The following KIRREL3 variants were observed in gnomAD, a reference collection of about 807,000 sequenced individuals.
The protein encoded by KIRREL3 is kirre like nephrin family adhesion molecule 3.
Under a neutral mutation model 89.7 loss-of-function variants are expected in KIRREL3, and 36 were observed. That is an observed-to-expected ratio of 0.40 (90% CI 0.31 to 0.53). The LOEUF (loss-of-function observed/expected upper bound fraction) is 0.53, where lower values mean the gene tolerates loss of function less well. KIRREL3 is among the 20% of genes least tolerant of loss of function. The probability of loss-of-function intolerance (pLI) is 0.49; values close to 1 mark genes in which losing one functional copy is unlikely to be tolerated. For missense variants in KIRREL3, 864 were observed against 1,056.6 expected, an observed-to-expected ratio of 0.82 and a Z score of 2.53; for synonymous variants, 445 against 441.4, an observed-to-expected ratio of 1.01 and a Z score of -0.10.
At position 127,000,739 on chromosome 11, in the gene KIRREL3, C is replaced by T. The variant is rs1445993590; in HGVS notation, c.-230G>A. The T allele has an allele frequency of 7.4e-6, 4 of 539,160 alleles. No individual in the cohort carries two copies. Among genetic ancestry groups the T allele is most frequent in the Non-Finnish European group, 1.3e-5 (4 of 304,880 alleles). 33.4% of individuals were successfully genotyped at this position (539,160 alleles called of 1,614,324 possible). The stretch of plus-strand genomic sequence containing the variant: ...CGCCTCGGGAAGCCGGGATTGTCAG[C>T]AATGTCCCCACTCGGAGAAGATCCA... On this transcript the variant is annotated 5_prime_UTR_variant, in exon 1 of 17. Transcript: ENST00000525144. This position sits in a 1 kb window ranked among gnomAD's most constrained non-coding sequence, Gnocchi z 7.1.
intron 1 of KIRREL3, among the ~76,000 whole-genome samples, chr11:126,730,678 C>A (rs550244302): frequency 6.6e-6 from 1 of 152,302 alleles, no homozygotes; most frequent in Non-Finnish European, 1.5e-5. Flanking sequence ...AACCAAGAAC[C>A]AAAATGGCGG....
chr11:126,801,181 A>C (rs1951021098), intron 1 of KIRREL3, among the ~76,000 whole-genome samples: 1 of 152,220 alleles, frequency 6.6e-6, no homozygotes, highest in African/African-American at 2.4e-5. Flanking sequence ...CACCCCTTTT[A>C]CATTTCAATT....
rs1196451459 is a variant in KIRREL3 at position 126,995,231 on chromosome 11, TCCGCTGG to T, written c.55+5217_55+5223del. ...ACCCTGCTCCAAGAGTGCTGGGATG[TCCGCTGG>T]CCTCGAGGCAAGACAAGAGCTCCAA... On this transcript the variant is annotated intron_variant, in intron 1 of 16. Transcript: ENST00000525144. This position sits in a 1 kb window ranked among gnomAD's most constrained non-coding sequence, Gnocchi z 6.5. The T allele has an allele frequency of 2.2e-6, 1 of 456,138 alleles. No individual in the cohort carries two copies. Among genetic ancestry groups the T allele is most frequent in the Non-Finnish European group, 4.4e-6 (1 of 226,940 alleles). The allele number at this position is 456,138 out of a possible 1,614,324, so 28.3% of individuals were successfully genotyped here. A position where few individuals can be genotyped will look rare whatever the true frequency, so the allele number is the denominator to read the frequency against.
Position 126,620,417 on chromosome 11 carries a change from A to G in KIRREL3, c.56-57505T>C, listed in dbSNP as rs1376993493. Among the ~76,000 whole-genome samples, 1 of 152,214 alleles carries G rather than the reference A, an allele frequency of 6.6e-6. No homozygotes were observed. Among genetic ancestry groups the G allele is most frequent in the Non-Finnish European group, 1.5e-5 (1 of 68,044 alleles). ...GGGGCTGTGAATTCCAAGGACATCC[A>G]TTAATGAAAAGTATTAGACTAAGTC... On this transcript the variant is annotated intron_variant, in intron 1 of 16. Transcript: ENST00000525144. The surrounding 1 kb of genome is among the most constrained non-coding windows in gnomAD (Gnocchi z 4.8).
At chr11:126,910,872 G>A (rs1314056010) in intron 1 of KIRREL3, among the ~76,000 whole-genome samples, 1 of 152,220 alleles carries the variant, frequency 6.6e-6, no homozygotes, top group Admixed American at 6.5e-5. Context: ...CTCAGATGAT[G>A]TCAGCAGCAG....
At position 126,949,742 on chromosome 11, in the gene KIRREL3, C is replaced by G. The variant is rs927280544; in HGVS notation, c.55+50713G>C. On this transcript the variant is annotated intron_variant, in intron 1 of 16. Transcript: ENST00000525144. ...CAAAATAAAATTCAGTGGTCACCAA[C>G]TGACTCAGTGTAGGAGACTTCATTC... 1.2e-4 allele frequency among the ~76,000 whole-genome samples: 18 copies of G among 152,326 alleles called. 1 individual carries two copies. Among genetic ancestry groups the G allele is most frequent in the African/African-American group, 3.1e-4 (13 of 41,584 alleles).
intron 1 of KIRREL3, among the ~76,000 whole-genome samples, chr11:126,865,636 T>C (rs981101752): frequency 3.3e-5 from 5 of 152,176 alleles, no homozygotes; most frequent in African/African-American, 1.2e-4. Context: ...AACATGGTCT[T>C]TGAGAAACGT....
At chr11:126,893,185 A>G (rs950595482) in intron 1 of KIRREL3, among the ~76,000 whole-genome samples, 2 of 152,218 alleles carry the variant, frequency 1.3e-5, no homozygotes, top group Non-Finnish European at 2.9e-5. Flanking sequence ...AGTTAAAAAC[A>G]CCTTTTCAAA....
rs1237801129 is a variant in KIRREL3, at chr11:126,976,276, A to T, written c.55+24179T>A. Among the ~76,000 whole-genome samples the T allele has an allele frequency of 6.6e-6, 1 of 152,186 alleles. No homozygotes were observed. The highest frequency in any genetic ancestry group is 1.9e-4 in the East Asian group (1 of 5,198). On this transcript the variant is annotated intron_variant, in intron 1 of 16. Transcript: ENST00000525144. The surrounding 1 kb of genome is among the most constrained non-coding windows in gnomAD (Gnocchi z 4.2). ...ACACAACATCACAAAGGAGAGACAG[A>T]TTATGAAATTATAATGACATATTAT... is the stretch of plus-strand genomic sequence containing the variant.
intron 1 of KIRREL3, among the ~76,000 whole-genome samples, chr11:126,634,818 C>T (rs1944198864): frequency 6.6e-6 from 1 of 152,200 alleles, no homozygotes; most frequent in Non-Finnish European, 1.5e-5. Context: ...TCCTAGGCTA[C>T]AGGTCTGCGC....
At chr11:126,886,817 G>T (rs1945714312) in intron 1 of KIRREL3, among the ~76,000 whole-genome samples, 1 of 152,152 alleles carries the variant, frequency 6.6e-6, no homozygotes, top group Non-Finnish European at 1.5e-5. Context: ...AATAACAGCT[G>T]GAGGGAGGCC....
In KIRREL3 at chr11:126,454,485, T is replaced by C. The variant is rs1784416219; in HGVS notation, c.848+1864A>G. On this transcript the variant is annotated intron_variant, in intron 7 of 16. Transcript: ENST00000525144. This position sits in a 1 kb window ranked among gnomAD's most constrained non-coding sequence, Gnocchi z 5.8. ...AGGGTGAATAGGGGTGCTTGCCGGG[T>C]GGTCTGTGGGTGTGAAGGGCTGCCC... Among the ~76,000 whole-genome samples the C allele has an allele frequency of 1.3e-5, 2 of 152,052 alleles. No individual in the cohort carries two copies.
rs150912161 is a variant in KIRREL3, at chr11:126,768,133, T to TATCCATCCATCCATCCATCC, written c.56-205241_56-205222dup. 1.6e-5 allele frequency among the ~76,000 whole-genome samples: 2 copies of TATCCATCCATCCATCCATCC among 127,458 alleles called. No individual in the cohort carries two copies. The highest frequency in any genetic ancestry group is 3.2e-5 in the Non-Finnish European group (2 of 62,758). The allele number at this position is 127,458 out of a possible 152,430, so 83.6% of individuals were successfully genotyped here. A position where few individuals can be genotyped will look rare whatever the true frequency, so the allele number is the denominator to read the frequency against. On this transcript the variant is annotated intron_variant, in intron 1 of 16. Coordinates refer to ENST00000525144, the MANE Select transcript of KIRREL3 (RefSeq NM_032531.4). The surrounding 1 kb of genome is among the most constrained non-coding windows in gnomAD (Gnocchi z 4.5). The stretch of plus-strand genomic sequence containing the variant: ...CTGTCCATCCATCTGTCTATCCATC[T>TATCCATCCATCCATCCATCC]ATCCATCCATCCATCCATCCATCCA...
Position 126,991,243 on chromosome 11 carries a change from T to A in KIRREL3, c.55+9212A>T, listed in dbSNP as rs985271144. Among the ~76,000 whole-genome samples the A allele has an allele frequency of 2.6e-5, 4 of 152,056 alleles. No individual in the cohort carries two copies. The highest frequency in any genetic ancestry group is 9.7e-5 in the African/African-American group (4 of 41,388). Reference sequence around the variant, plus strand: ...ACGTCCACACTTCACTTAGTCAGGTTCTTCTTCTGCCTCCTGCCAGGGGCC... The same window carrying A: ...ACGTCCACACTTCACTTAGTCAGGTACTTCTTCTGCCTCCTGCCAGGGGCC... On this transcript the variant is annotated intron_variant, in intron 1 of 16. Coordinates refer to ENST00000525144, the MANE Select transcript of KIRREL3 (RefSeq NM_032531.4). The surrounding 1 kb of genome is among the most constrained non-coding windows in gnomAD (Gnocchi z 5.8).
chr11:126,794,353 G>T (rs1032592242), intron 1 of KIRREL3, among the ~76,000 whole-genome samples: 1 of 152,166 alleles, frequency 6.6e-6, no homozygotes. Context: ...TGTTCAGTGG[G>T]GTAGACTCAA....
chr11:126,950,680 T>C (rs1948751501), intron 1 of KIRREL3, among the ~76,000 whole-genome samples: 1 of 152,230 alleles, frequency 6.6e-6, no homozygotes, highest in African/African-American at 2.4e-5. Context: ...TGCTGCTCCC[T>C]TTCTTCTCCC....
intron 1 of KIRREL3, among the ~76,000 whole-genome samples, chr11:126,585,220 C>CTTTTTT (rs3042225): frequency 7.3e-5 from 6 of 81,888 alleles, no homozygotes; most frequent in African/African-American, 2.3e-4. Flanking sequence ...CGCCCGGCCT[C>CTTTTTT]TTTTTTTTTT....
At position 126,729,721 on chromosome 11, in the gene KIRREL3, G is replaced by T. The variant is rs962052945; in HGVS notation, c.56-166809C>A. 1.3e-5 allele frequency among the ~76,000 whole-genome samples: 2 copies of T among 152,188 alleles called. No individual in the cohort carries two copies. The highest frequency in any genetic ancestry group is 4.8e-5 in the African/African-American group (2 of 41,438). On this transcript the variant is annotated intron_variant, in intron 1 of 16. Transcript: ENST00000525144. The surrounding 1 kb of genome is among the most constrained non-coding windows in gnomAD (Gnocchi z 4.5). ...GGGCACTCCACTGGACAGGTGAAAA[G>T]CTCACAGCTCAGGGTCCCCTGCTAT... is the stretch of plus-strand genomic sequence containing the variant.
At position 126,455,113 on chromosome 11, in the gene KIRREL3, C is replaced by T. The variant is rs535747285; in HGVS notation, c.848+1236G>A. On this transcript the variant is annotated intron_variant, in intron 7 of 16. Coordinates refer to ENST00000525144, the MANE Select transcript of KIRREL3 (RefSeq NM_032531.4). The surrounding 1 kb of genome is among the most constrained non-coding windows in gnomAD (Gnocchi z 6.4). ...TTCCTAGGCTGGCACCATTAACATC[C>T]TTGGCCTTTGCAGATGCTGCAGCTT... Among the ~76,000 whole-genome samples, 4 of 152,342 alleles carry T rather than the reference C, an allele frequency of 2.6e-5. No homozygotes were observed. The highest frequency in any genetic ancestry group is 2.6e-4 in the Admixed American group (4 of 15,302).
Sources: allele counts gnomAD v4.1 joint callset (sites outside exome capture counted in the v4.1 genomes callset), GRCh38; gene constraint gnomAD v4.1.1; non-coding constraint Gnocchi (gnomAD v3.1); transcripts MANE v1.5; gene names NCBI Gene and HGNC (gene_info 2026-07-23, HGNC 2026-07-21).